The following CAPN9 variants were observed in gnomAD, a reference collection of about 807,000 sequenced individuals.
CAPN9 encodes the protein calpain 9, also known as calpain-9.
Under a neutral mutation model 92.8 loss-of-function variants are expected in CAPN9, and 81 were observed. That is an observed-to-expected ratio of 0.87 (90% confidence interval 0.73 to 1.05). CAPN9 has a LOEUF of 1.05. Ranked by LOEUF, CAPN9 falls within the 50% of genes least tolerant of loss-of-function variation. The probability of loss-of-function intolerance (pLI) is 0.00; values close to 1 mark genes in which losing one functional copy is unlikely to be tolerated. For missense variants in CAPN9, 848 were observed against 866.2 expected, an observed-to-expected ratio of 0.98 and a Z score of 0.26; for synonymous variants, 304 against 328.0, an observed-to-expected ratio of 0.93 and a Z score of 0.79.
chr1:230,793,725 A>G (rs912991161), intron 17 of CAPN9, among the ~76,000 whole-genome samples: 2 of 152,238 alleles, frequency 1.3e-5, no homozygotes, highest in African/African-American at 4.8e-5. Flanking sequence ...TGAAGTATAC[A>G]CAGCCAGGAC....
chr1:230,800,311 AAC>A, intron 19 of CAPN9, among the ~76,000 whole-genome samples: 3 of 67,862 alleles, frequency 4.4e-5, no homozygotes, highest in Non-Finnish European at 6.2e-5. Context: ...AGAAAGGAAA[AAC>A]AAGAGAGACC....
chr1:230,751,597 GAAAGAAAGAAAGAGAA>G (rs1454363392), intron 1 of CAPN9, among the ~76,000 whole-genome samples: 255 of 14,726 alleles, frequency 0.017, no homozygotes, highest in Non-Finnish European at 0.022. Flanking sequence ...AAGAAAGAAA[GAAAGAAAGAAAGAGAA>G]AGAAAGAAAG....
chr1:230,770,901 T>C (rs1380639737), intron 6 of CAPN9, among the ~76,000 whole-genome samples: 1 of 152,202 alleles, frequency 6.6e-6, no homozygotes, highest in East Asian at 1.9e-4. Context: ...CTGCCCTTCC[T>C]CCTCACTGGA....
chr1:230,788,086 C>A (rs28359700), intron 13 of CAPN9, among the ~76,000 whole-genome samples: 2,391 of 152,252 alleles, frequency 0.016, 23 homozygotes, highest in Non-Finnish European at 0.026. Context: ...CTCCTAGGCT[C>A]AAGCAATCCT....
At chr1:230,764,543 A>G (rs1174341102) in intron 4 of CAPN9, among the ~76,000 whole-genome samples, 1 of 152,274 alleles carries the variant, frequency 6.6e-6, no homozygotes, top group Admixed American at 6.5e-5. Flanking sequence ...AACGTATGAA[A>G]TAACCTCATT....
At chr1:230,753,922 C>T (rs1665034220) in intron 1 of CAPN9, among the ~76,000 whole-genome samples, 2 of 149,272 alleles carry the variant, frequency 1.3e-5, no homozygotes, top group South Asian at 4.3e-4. Context: ...CTGCTGACTG[C>T]TGTAGCTAGC....
At chr1:230,778,350 C>G (rs1174704419) in intron 8 of CAPN9, among the ~76,000 whole-genome samples, 2 of 152,220 alleles carry the variant, frequency 1.3e-5, no homozygotes, top group Non-Finnish European at 2.9e-5. Context: ...CTAGCTGCCT[C>G]TCTGCTTCCA....
At chr1:230,763,465 C>A (rs1375781598) in intron 4 of CAPN9, among the ~76,000 whole-genome samples, 1 of 152,166 alleles carries the variant, frequency 6.6e-6, no homozygotes, top group Non-Finnish European at 1.5e-5. Flanking sequence ...TTTATCTAGT[C>A]TAGGAACCTC....
At chr1:230,792,258 T>A (rs1294336511) in intron 15 of CAPN9, among the ~76,000 whole-genome samples, 168 bp from the exon 16 acceptor site, 2 of 152,146 alleles carry the variant, frequency 1.3e-5, no homozygotes, top group Non-Finnish European at 2.9e-5. Context: ...CCGTTTCCCC[T>A]CTTCAGAGAT....
intron 1 of CAPN9, among the ~76,000 whole-genome samples, chr1:230,752,102 T>C (rs2102828694): frequency 6.6e-6 from 1 of 152,212 alleles, no homozygotes; most frequent in East Asian, 1.9e-4. Context: ...TGCTCCCAAG[T>C]GCACATGCAA....
At chr1:230,769,616 CCTAT>C (rs10557166) in intron 6 of CAPN9, among the ~76,000 whole-genome samples, 15,031 of 115,350 alleles carry the variant, frequency 0.13, 903 homozygotes, top group Middle Eastern at 0.24. Flanking sequence ...CACACACACA[CCTAT>C]CTATCTATCT....
At chr1:230,769,415 C>G in intron 6 of CAPN9, 152 bp downstream of exon 6, 1 of 602,644 alleles carries the variant, frequency 1.7e-6, no homozygotes, top group African/African-American at 1.9e-5. Flanking sequence ...GAATTCAAAA[C>G]GGCAAGCCAG....
chr1:230,753,925 T>C (rs1473511842), intron 1 of CAPN9, among the ~76,000 whole-genome samples: 2 of 148,528 alleles, frequency 1.3e-5, no homozygotes, highest in African/African-American at 4.9e-5. Flanking sequence ...CTGACTGCTG[T>C]AGCTAGCCTT....
At chr1:230,800,530 G>A (rs1668666946) in intron 19 of CAPN9, among the ~76,000 whole-genome samples, 1 of 152,156 alleles carries the variant, frequency 6.6e-6, no homozygotes, top group Admixed American at 6.5e-5. Flanking sequence ...CTTCAAGGTA[G>A]AAGTGTGGAC....
At position 230,772,108 on chromosome 1, in the gene CAPN9, C is replaced by T. The variant is rs1374374316; in HGVS notation, c.875+9C>T. 1 of 1,612,582 alleles carries T rather than the reference C, an allele frequency of 6.2e-7. No individual in the cohort carries two copies. The highest frequency in any genetic ancestry group is 8.5e-7 in the Non-Finnish European group (1 of 1,178,646). On this transcript the variant is annotated intron_variant, in intron 7 of 19. Coordinates refer to ENST00000271971, the MANE Select transcript of CAPN9 (RefSeq NM_006615.3). ...GGGTCGTGGAGCGACAGGTCAGTCACCCTATCCTGCCTCTCTGGCTGGTTC... is the reference window on the plus strand; with the variant it reads ...GGGTCGTGGAGCGACAGGTCAGTCATCCTATCCTGCCTCTCTGGCTGGTTC...
chr1:230,792,350 A>C, intron 15 of CAPN9, 76 bp from the exon 16 acceptor site: 1 of 1,250,250 alleles, frequency 8.0e-7, no homozygotes, highest in South Asian at 1.2e-5. Flanking sequence ...CCCCCTCTGC[A>C]GTCCCAGAGC....
chr1:230,752,534 C>A, intron 1 of CAPN9: 1 of 195,966 alleles, frequency 5.1e-6, no homozygotes, highest in Non-Finnish European at 9.2e-6. Context: ...AGCTGGGAGG[C>A]GGTGGCAGCT....
At chr1:230,756,858 C>T (rs2102840574) in intron 2 of CAPN9, among the ~76,000 whole-genome samples, 1 of 152,142 alleles carries the variant, frequency 6.6e-6, no homozygotes, top group East Asian at 1.9e-4. Context: ...GGGAGGATTG[C>T]TTGAGCCTGG....
rs111958898 is a variant in CAPN9 at position 230,759,612 on chromosome 1, C to T, written c.384C>T (p.Ala128=). The T allele has an allele frequency of 6.6e-5, 106 of 1,604,774 alleles. No individual in the cohort carries two copies. Among genetic ancestry groups the T allele is most frequent in the Non-Finnish European group, 8.2e-5 (97 of 1,176,816 alleles). Reference sequence around the variant, plus strand: ...ACCAAAGCTTTGGCCCTGGTTATGCCGGGATATTCCATTTCCAGGTAAGAG... The same window carrying T: ...ACCAAAGCTTTGGCCCTGGTTATGCTGGGATATTCCATTTCCAGGTAAGAG... ...PQDQSFGPGY[A]GIFHFQFWQH... Residue 128 remains alanine (A), a synonymous_variant, in exon 3 of 20, where the codon GCC becomes GCT. Transcript: ENST00000271971.
Sources: allele counts gnomAD v4.1 joint callset (sites outside exome capture counted in the v4.1 genomes callset), GRCh38; gene constraint gnomAD v4.1.1; transcripts MANE v1.5; gene names NCBI Gene and HGNC (gene_info 2026-07-23, HGNC 2026-07-21).